Variants in SAMD4A observed in about 807,000 individuals in gnomAD.
The protein encoded by SAMD4A is sterile alpha motif domain containing 4A.
In SAMD4A, 33 loss-of-function variants were observed where a neutral mutation model predicts 81.3. That is an observed-to-expected ratio of 0.41 (90% CI 0.31 to 0.54). SAMD4A has a LOEUF of 0.54. Ranked by LOEUF, SAMD4A falls within the 20% of genes least tolerant of loss-of-function variation. The probability of loss-of-function intolerance (pLI) is 0.37; values close to 1 mark genes in which losing one functional copy is unlikely to be tolerated. For missense variants in SAMD4A, 854 were observed against 951.1 expected, an observed-to-expected ratio of 0.90 and a Z score of 1.34; for synonymous variants, 389 against 382.1, an observed-to-expected ratio of 1.02 and a Z score of -0.21.
chr14:54,627,633 A>C (rs529503582), intron 2 of SAMD4A, among the ~76,000 whole-genome samples: 1 of 152,320 alleles, frequency 6.6e-6, no homozygotes, highest in African/African-American at 2.4e-5. Context: ...GGTAGAAGTC[A>C]TTGTTGAAGA....
chr14:54,603,142 G>C (rs1008911026), intron 2 of SAMD4A, among the ~76,000 whole-genome samples: 3 of 152,178 alleles, frequency 2.0e-5, no homozygotes, highest in Non-Finnish European at 4.4e-5. Context: ...ACACACTGGG[G>C]CCACAAGATG....
intron 2 of SAMD4A, among the ~76,000 whole-genome samples, chr14:54,602,658 G>C (rs946442463): frequency 6.6e-6 from 1 of 151,310 alleles, no homozygotes; most frequent in African/African-American, 2.4e-5. Flanking sequence ...GGGGTGGGGG[G>C]AGTGGGGAGG....
chr14:54,639,862 G>C (rs971967520), intron 2 of SAMD4A, among the ~76,000 whole-genome samples: 9 of 151,610 alleles, frequency 5.9e-5, no homozygotes, highest in African/African-American at 1.9e-4. Context: ...GCTATGTCTG[G>C]CTCATAGACA....
intron 12 of SAMD4A, among the ~76,000 whole-genome samples, chr14:54,785,072 TA>T (rs2039101620): frequency 6.6e-6 from 1 of 152,236 alleles, no homozygotes; most frequent in Non-Finnish European, 1.5e-5. Context: ...CAGCTTGCCT[TA>T]GAAATATAAT....
At position 54,760,428 on chromosome 14, in the gene SAMD4A, G is replaced by C; in HGVS notation, c.1444G>C (p.Glu482Gln). The part of the protein sequence containing the change: ...QPHQLSSCDG[E>Q]LAVAPLPEGD... Reference sequence around the variant, plus strand: ...GCACCAGCTGAGCAGCTGCGATGGGGAGCTGGCCGTCGCCCCCCTGCCAGA... The same window carrying C: ...GCACCAGCTGAGCAGCTGCGATGGGCAGCTGGCCGTCGCCCCCCTGCCAGA... The change falls in exon 7 of 13, where the codon GAG becomes CAG. Residue 482 changes from glutamate (E) to glutamine (Q), a missense_variant. Coordinates refer to ENST00000554335, the MANE Select transcript of SAMD4A (RefSeq NM_015589.6). 1.4e-6 allele frequency: 2 copies of C among 1,437,974 alleles called. No individual in the cohort carries two copies. Among genetic ancestry groups the C allele is most frequent in the South Asian group, 1.5e-5 (1 of 67,028 alleles). The allele number at this position is 1,437,974 out of a possible 1,614,324, so 89.1% of individuals were successfully genotyped here. A position where few individuals can be genotyped will look rare whatever the true frequency, so the allele number is the denominator to read the frequency against.
intron 2 of SAMD4A, among the ~76,000 whole-genome samples, chr14:54,595,838 A>C (rs911925852): frequency 2.6e-5 from 4 of 152,216 alleles, no homozygotes; most frequent in Non-Finnish European, 5.9e-5. Flanking sequence ...TGTATTTTTA[A>C]TGGGATGATA....
At chr14:54,728,477 A>G (rs1055852409) in intron 3 of SAMD4A, among the ~76,000 whole-genome samples, 4 of 152,188 alleles carry the variant, frequency 2.6e-5, no homozygotes, top group Admixed American at 6.5e-5. Context: ...AGCCTAAACC[A>G]TCCAATTTCT....
At chr14:54,671,193 T>C (rs1178807317) in intron 2 of SAMD4A, among the ~76,000 whole-genome samples, 1 of 152,108 alleles carries the variant, frequency 6.6e-6, no homozygotes, top group African/African-American at 2.4e-5. Context: ...AAGGAAAAAG[T>C]AATTTTAGCT....
Position 54,658,510 on chromosome 14 carries a change from C to T in SAMD4A, c.197-43552C>T, listed in dbSNP as rs58243467. ...AACAAATGACCACTGAGTCCCACCT[C>T]TAGCTAGGCCCCCATCCTAAGCATG... is the stretch of plus-strand genomic sequence containing the variant. On this transcript the variant is annotated intron_variant, in intron 2 of 12. Coordinates refer to ENST00000554335, the MANE Select transcript of SAMD4A (RefSeq NM_015589.6). Among the ~76,000 whole-genome samples the T allele has an allele frequency of 8.4e-3, 1,276 of 152,256 alleles. 16 individuals are homozygous for T. The highest frequency in any genetic ancestry group is 0.029 in the African/African-American group (1,211 of 41,516).
chr14:54,667,638 G>A (rs1205223194), intron 2 of SAMD4A, among the ~76,000 whole-genome samples: 1 of 152,176 alleles, frequency 6.6e-6, no homozygotes, highest in African/African-American at 2.4e-5. Context: ...CACCCAGGGC[G>A]AGTGACTTGT....
chr14:54,646,288 ACTAC>A (rs2035285207), intron 2 of SAMD4A, among the ~76,000 whole-genome samples: 1 of 152,186 alleles, frequency 6.6e-6, no homozygotes, highest in Non-Finnish European at 1.5e-5. Flanking sequence ...CTTTCTCAGT[ACTAC>A]CTAAGAAGAG....
chr14:54,646,752 A>C (rs2035295871), intron 2 of SAMD4A, among the ~76,000 whole-genome samples: 1 of 152,240 alleles, frequency 6.6e-6, no homozygotes, highest in South Asian at 2.1e-4. Flanking sequence ...TAATGCCTAC[A>C]TGTGCTTTGA....
rs139594600 is a variant in SAMD4A at position 54,567,937 on chromosome 14, C to T, written c.21C>T (p.Val7=). The part of the protein sequence containing the change: MMFRDQ[V]GVLAGWFKGW... ...TAACCATGATGTTTCGCGACCAGGT[C>T]GGGGTGCTGGCGGGCTGGTTTAAGG... The change falls in exon 2 of 13, where the codon GTC becomes GTT. Residue 7 remains valine (V), a synonymous_variant. Transcript: ENST00000554335. 105 of 1,608,932 alleles carry T rather than the reference C, an allele frequency of 6.5e-5. No individual in the cohort carries two copies. Among genetic ancestry groups the T allele is most frequent in the Non-Finnish European group, 8.5e-5 (100 of 1,179,150 alleles).
intron 2 of SAMD4A, among the ~76,000 whole-genome samples, chr14:54,663,014 GTTAA>G (rs923018119): frequency 1.3e-5 from 2 of 152,222 alleles, no homozygotes; most frequent in African/African-American, 2.4e-5. Context: ...AGGGGTCCAA[GTTAA>G]TTAATCACAC....
intron 2 of SAMD4A, among the ~76,000 whole-genome samples, chr14:54,570,356 G>T (rs1010136273): frequency 6.6e-6 from 1 of 152,168 alleles, no homozygotes; most frequent in Non-Finnish European, 1.5e-5. Flanking sequence ...AGTCCACTTC[G>T]CAACCAGAGT....
chr14:54,742,558 A>G (rs2037871320), intron 4 of SAMD4A, among the ~76,000 whole-genome samples: 1 of 152,232 alleles, frequency 6.6e-6, no homozygotes, highest in African/African-American at 2.4e-5. Context: ...ATAGCTGGGT[A>G]GAAAAAGCCA....
rs376059413 is a variant in SAMD4A, at chr14:54,666,225, C to T, written c.197-35837C>T. 6.6e-5 allele frequency among the ~76,000 whole-genome samples: 10 copies of T among 152,244 alleles called. No homozygotes were observed. In the East Asian group the frequency reaches 1.7e-3, roughly 27 times the overall value. ...CCCCAAGATCAGTGGAAGGAGGGAC[C>T]CAGAGGAAGTACTGGATATAGCAAA... On this transcript the variant is annotated intron_variant, in intron 2 of 12. Transcript: ENST00000554335.
At chr14:54,620,290 A>G (rs1309766417) in intron 2 of SAMD4A, among the ~76,000 whole-genome samples, 1 of 152,188 alleles carries the variant, frequency 6.6e-6, no homozygotes, top group Non-Finnish European at 1.5e-5. Context: ...TTGAGGATTA[A>G]AAGAAAAAGC....
chr14:54,777,110 C>T (rs1037059137), intron 11 of SAMD4A, among the ~76,000 whole-genome samples: 1 of 152,166 alleles, frequency 6.6e-6, no homozygotes, highest in Admixed American at 6.5e-5. Flanking sequence ...AACCCTTTCT[C>T]TATGCAGGCA....
Sources: allele counts gnomAD v4.1 joint callset (sites outside exome capture counted in the v4.1 genomes callset), GRCh38; gene constraint gnomAD v4.1.1; transcripts MANE v1.5; gene names NCBI Gene and HGNC (gene_info 2026-07-23, HGNC 2026-07-21).